TOGARAM1: variants seen among roughly 807,000 people sequenced by gnomAD.
TOGARAM1 encodes TOG array regulator of axonemal microtubules 1.
Under a neutral mutation model 166.6 loss-of-function variants are expected in TOGARAM1, and 100 were observed. That is an observed-to-expected ratio of 0.60 (90% CI 0.51 to 0.71). TOGARAM1 has a LOEUF of 0.71. Among genes scored for constraint, TOGARAM1 ranks in the 30% least tolerant of loss-of-function variants. The pLI is 0.00. For missense variants in TOGARAM1, 2,029 were observed against 2,102.7 expected (o/e 0.96, Z 0.69); for synonymous variants, 758 against 763.8 (o/e 0.99, Z 0.13).
intron 7 of TOGARAM1, 90 bp from the exon 8 acceptor site, chr14:45,025,693 G>A (rs912908011): frequency 3.0e-6 from 2 of 676,258 alleles, no homozygotes; most frequent in Non-Finnish European, 5.1e-6. Flanking sequence ...TAAATTTTCA[G>A]TTTTAAAAGA....
At chr14:45,058,502 C>T (rs1440439738) in intron 16 of TOGARAM1, among the ~76,000 whole-genome samples, 1 of 152,066 alleles carries the variant, frequency 6.6e-6, no homozygotes, top group Non-Finnish European at 1.5e-5. Flanking sequence ...ACTATGTTGG[C>T]CAGGCTGGTA....
At chr14:44,987,862 C>G (rs1015621365) in intron 1 of TOGARAM1, among the ~76,000 whole-genome samples, 1 of 149,064 alleles carries the variant, frequency 6.7e-6, no homozygotes, top group African/African-American at 2.5e-5. Context: ...ACCCAAATGT[C>G]CAACAATGAT....
chr14:44,968,057 G>T (rs1011562634), intron 1 of TOGARAM1, among the ~76,000 whole-genome samples: 1 of 152,052 alleles, frequency 6.6e-6, no homozygotes, highest in African/African-American at 2.4e-5. Context: ...TTTCTGAAAT[G>T]CCAGCATAGA....
chr14:45,066,866 A>T, intron 17 of TOGARAM1, 99 bp downstream of exon 17: 1 of 950,464 alleles, frequency 1.1e-6, no homozygotes, highest in Non-Finnish European at 1.5e-6. Context: ...TCTTGAGGCT[A>T]GGAGTTCAAA....
At chr14:45,003,361 T>C (rs1311994835) in intron 3 of TOGARAM1, among the ~76,000 whole-genome samples, 2 of 151,954 alleles carry the variant, frequency 1.3e-5, no homozygotes, top group Admixed American at 1.3e-4. Context: ...TTTATATTCG[T>C]TGAAGAATAA....
At chr14:45,015,458 A>C (rs1880075052) in intron 7 of TOGARAM1, among the ~76,000 whole-genome samples, 1 of 151,758 alleles carries the variant, frequency 6.6e-6, no homozygotes, top group Non-Finnish European at 1.5e-5. Context: ...TTTTGCATTT[A>C]GTATATGTTT....
intron 1 of TOGARAM1, among the ~76,000 whole-genome samples, chr14:44,969,145 C>CCTTCCTTTCTTT (rs368091743): frequency 2.7e-4 from 31 of 116,304 alleles, no homozygotes; most frequent in African/African-American, 1.0e-3. Context: ...TTCCTTCCTT[C>CCTTCCTTTCTTT]CTTTCTTTCT....
intron 3 of TOGARAM1, among the ~76,000 whole-genome samples, chr14:45,000,627 A>G (rs1396024465): frequency 6.6e-6 from 1 of 152,178 alleles, no homozygotes; most frequent in Non-Finnish European, 1.5e-5. Flanking sequence ...GGTTGATTCC[A>G]TAACTTGGCT....
chr14:44,985,472 A>T (rs1289478211), intron 1 of TOGARAM1, among the ~76,000 whole-genome samples: 2 of 152,236 alleles, frequency 1.3e-5, no homozygotes. Flanking sequence ...GGATGGTTTC[A>T]GGATGAACCT....
chr14:45,050,013 C>T (rs1882284633), intron 14 of TOGARAM1, among the ~76,000 whole-genome samples: 3 of 152,018 alleles, frequency 2.0e-5, no homozygotes, highest in Admixed American at 2.0e-4. Context: ...TTTTGTGTCC[C>T]TGCTCTCTGC....
In TOGARAM1 at chr14:44,963,019, C is replaced by G. The variant is rs1410133446; in HGVS notation, c.598C>G (p.Leu200Val). ...EENPALRKDALQILHICLKRS... is the reference protein window; with the variant it reads ...EENPALRKDAVQILHICLKRS... The stretch of plus-strand genomic sequence containing the variant: ...GAATCCAGCCCTGCGGAAAGATGCG[C>G]TGCAGATCCTTCATATATGTCTGAA... The change falls in exon 1 of 20, where the codon CTG (leucine) becomes GTG (valine). Residue 200 changes from leucine to valine, a missense_variant. Transcript: ENST00000361462. The G allele has an allele frequency of 1.2e-6, 2 of 1,614,188 alleles. No individual in the cohort carries two copies. Among genetic ancestry groups the G allele is most frequent in the South Asian group, 1.1e-5 (1 of 91,080 alleles).
chr14:44,968,760 A>T (rs962061806), intron 1 of TOGARAM1, among the ~76,000 whole-genome samples: 13 of 152,214 alleles, frequency 8.5e-5, no homozygotes, highest in African/African-American at 3.1e-4. Context: ...TGTGTTGTAC[A>T]TTCTATGGGA....
rs568572588 is a variant in TOGARAM1 at position 44,986,661 on chromosome 14, A to AT, written c.2047-9075dup. 3.0e-4 allele frequency among the ~76,000 whole-genome samples: 45 copies of AT among 149,822 alleles called. 2 individuals carry two copies. The South Asian group carries it at 6.4e-3, about 21-fold the overall frequency. ...ACTAAAACTTTGAAGTTTATTAAGAATTTTTTTTTTCTTGTTCTTTTACCA... is the reference window on the plus strand; with the variant it reads ...ACTAAAACTTTGAAGTTTATTAAGAATTTTTTTTTTTCTTGTTCTTTTACCA... On this transcript the variant is annotated intron_variant, in intron 1 of 19. Transcript: ENST00000361462.
chr14:45,049,010 C>T (rs1882223896), intron 14 of TOGARAM1, among the ~76,000 whole-genome samples: 1 of 113,174 alleles, frequency 8.8e-6, no homozygotes, highest in African/African-American at 3.5e-5. Flanking sequence ...AGTAGGTGGA[C>T]AGCAAATGGT....
In TOGARAM1 at chr14:45,043,791, G is replaced by C; in HGVS notation, c.3918G>C (p.Glu1306Asp). The change falls in exon 12 of 20, where the codon GAG becomes GAC. Residue 1306 changes from glutamate (E) to aspartate (D), a missense_variant and splice_region_variant. Physicochemically the swap from Glu to Asp is conservative, Grantham distance 45. Transcript: ENST00000361462. The part of the protein sequence containing the change: ...LHETNFAVVQ[E>D]VKNLRSGVSR... ...AAACAAATTTTGCAGTTGTTCAAGA[G>C]GTAAACTTATTTTTCAGATGAGTTA... The C allele has an allele frequency of 6.4e-7, 1 of 1,559,674 alleles. No homozygotes were observed. Among genetic ancestry groups the C allele is most frequent in the Non-Finnish European group, 8.8e-7 (1 of 1,130,882 alleles).
intron 7 of TOGARAM1, among the ~76,000 whole-genome samples, chr14:45,016,066 T>G (rs1880117338): frequency 6.6e-6 from 1 of 152,098 alleles, no homozygotes; most frequent in Non-Finnish European, 1.5e-5. Flanking sequence ...AAAAATTTTT[T>G]TTTTTTAGTG....
intron 1 of TOGARAM1, among the ~76,000 whole-genome samples, chr14:44,983,492 A>G (rs567243897): frequency 6.6e-5 from 10 of 152,308 alleles, no homozygotes; most frequent in Admixed American, 5.9e-4. Context: ...GCCTGAGCCT[A>G]TATGTCAAAT....
intron 14 of TOGARAM1, among the ~76,000 whole-genome samples, chr14:45,047,884 C>T (rs917507500): frequency 1.3e-5 from 2 of 150,966 alleles, no homozygotes; most frequent in African/African-American, 2.4e-5. Context: ...GTTAAAACCC[C>T]GCCTCTACTC....
intron 7 of TOGARAM1, among the ~76,000 whole-genome samples, chr14:45,019,725 C>A (rs1303901055): frequency 6.6e-6 from 1 of 152,162 alleles, no homozygotes; most frequent in African/African-American, 2.4e-5. Context: ...TTGCAAGCCC[C>A]GTGTTTAAAG....
Sources: gnomAD v4.1 joint callset for allele counts (sites outside exome capture counted in the v4.1 genomes callset) on GRCh38, gnomAD v4.1.1 for gene constraint, MANE v1.5 for transcripts, NCBI Gene and HGNC (gene_info 2026-07-23, HGNC 2026-07-21) for gene names.